GRID2: variants seen among roughly 807,000 people sequenced by gnomAD.
GRID2 encodes the protein glutamate ionotropic receptor delta type subunit 2.
In GRID2, 33 loss-of-function variants were observed where a neutral mutation model predicts 114.8. The ratio of observed to expected loss-of-function variants is 0.29; its 90% confidence interval spans 0.22 to 0.38. The LOEUF (loss-of-function observed/expected upper bound fraction) is 0.38. Ranked by LOEUF, GRID2 falls within the 10% of genes least tolerant of loss-of-function variation. GRID2 has a pLI of 1.00. For missense variants in GRID2, 1,184 were observed against 1,257.7 expected (o/e 0.94, Z 0.89); for synonymous variants, 505 against 449.9 (o/e 1.12, Z -1.55).
At chr4:92,515,416 T>C (rs1724451999) in intron 1 of GRID2, among the ~76,000 whole-genome samples, 1 of 151,958 alleles carries the variant, frequency 6.6e-6, no homozygotes, top group African/African-American at 2.4e-5. Flanking sequence ...TATAAAAGAT[T>C]ATATTGAATA....
intron 2 of GRID2, among the ~76,000 whole-genome samples, chr4:92,796,285 G>C (rs1260252447): frequency 6.6e-6 from 1 of 151,826 alleles, no homozygotes; most frequent in Non-Finnish European, 1.5e-5. Flanking sequence ...TGGGGTTCTG[G>C]GTGGCCTGGG....
intron 8 of GRID2, among the ~76,000 whole-genome samples, chr4:93,251,107 C>T (rs1318085506): frequency 1.3e-5 from 2 of 152,060 alleles, no homozygotes; most frequent in Admixed American, 1.3e-4. Flanking sequence ...ACCTTGCATT[C>T]AAGAAACATT....
At chr4:92,680,447 A>G (rs1733596347) in intron 2 of GRID2, among the ~76,000 whole-genome samples, 1 of 152,150 alleles carries the variant, frequency 6.6e-6, no homozygotes, top group Non-Finnish European at 1.5e-5. Context: ...AGTGTGCACA[A>G]ATATTTAAAC....
intron 14 of GRID2, among the ~76,000 whole-genome samples, chr4:93,656,857 A>AAAAAAAAAAAAC (rs1553973735): frequency 1.1e-5 from 1 of 93,802 alleles, no homozygotes; most frequent in Non-Finnish European, 2.6e-5. Context: ...AAAAAAAAAA[A>AAAAAAAAAAAAC]CAAATAATTC....
At chr4:93,784,466 T>A (rs1279833203) in intron 1 of GRID2, among the ~76,000 whole-genome samples, 1 of 152,016 alleles carries the variant, frequency 6.6e-6, no homozygotes, top group Non-Finnish European at 1.5e-5. Flanking sequence ...GAAATGTGAA[T>A]GTAGACTGTA....
chr4:92,570,912 C>T (rs899858512), intron 1 of GRID2, among the ~76,000 whole-genome samples: 2 of 151,990 alleles, frequency 1.3e-5, no homozygotes, highest in Admixed American at 6.6e-5. Flanking sequence ...TTTTGACTCC[C>T]TGTCTTTGTA....
At chr4:92,832,413 A>G (rs565930579) in intron 2 of GRID2, among the ~76,000 whole-genome samples, 2 of 152,048 alleles carry the variant, frequency 1.3e-5, no homozygotes, top group African/African-American at 4.8e-5. Context: ...TTGTTTTTTG[A>G]GACAGAGTTT....
chr4:92,503,399 T>TA (rs1553942838), intron 1 of GRID2, among the ~76,000 whole-genome samples: 1 of 152,138 alleles, frequency 6.6e-6, no homozygotes, highest in Non-Finnish European at 1.5e-5. Flanking sequence ...CAAAGAGAGA[T>TA]ACAATGAAAT....
In GRID2 at chr4:92,933,373, T is replaced by C. The variant is rs377268061; in HGVS notation, c.245-151622T>C. On this transcript the variant is annotated intron_variant, in intron 2 of 15. Coordinates refer to ENST00000282020, the MANE Select transcript of GRID2 (RefSeq NM_001510.4). ...AGTAATATGTTCCAATCCATATTTC[T>C]TATTGGTTAAATCAGTTCTACTGAA... 1.4e-4 allele frequency among the ~76,000 whole-genome samples: 21 copies of C among 151,588 alleles called. No individual in the cohort carries two copies. The East Asian group carries it at 4.1e-3, about 29-fold the overall frequency.
intron 1 of GRID2, among the ~76,000 whole-genome samples, chr4:92,377,745 A>C (rs1729423558): frequency 6.6e-6 from 1 of 152,172 alleles, no homozygotes; most frequent in African/African-American, 2.4e-5. Context: ...GGATGGTGGC[A>C]GGCACAGAGA....
intron 2 of GRID2, among the ~76,000 whole-genome samples, chr4:92,963,294 T>A (rs1752941407): frequency 6.6e-6 from 1 of 152,062 alleles, no homozygotes; most frequent in African/African-American, 2.4e-5. Flanking sequence ...TAGCATGCCA[T>A]GCTGTTTAAT....
chr4:92,883,389 G>A (rs1746152103), intron 2 of GRID2, among the ~76,000 whole-genome samples: 1 of 152,044 alleles, frequency 6.6e-6, no homozygotes, highest in Admixed American at 6.6e-5. Context: ...TCATCCATGA[G>A]GGTTGGAATA....
intron 2 of GRID2, among the ~76,000 whole-genome samples, chr4:93,015,327 A>G (rs545287504): frequency 1.3e-5 from 2 of 152,292 alleles, no homozygotes; most frequent in East Asian, 1.9e-4. Context: ...AGTCAAAGCA[A>G]CAAGGAAGCT....
intron 8 of GRID2, among the ~76,000 whole-genome samples, chr4:93,384,284 GAA>G (rs1375039147): frequency 7.2e-5 from 11 of 152,114 alleles, no homozygotes; most frequent in African/African-American, 2.7e-4. Flanking sequence ...CAATATTAGG[GAA>G]GTGGACTCCA....
chr4:92,966,859 T>C (rs1263403788), intron 2 of GRID2, among the ~76,000 whole-genome samples: 1 of 151,912 alleles, frequency 6.6e-6, no homozygotes, highest in Non-Finnish European at 1.5e-5. Flanking sequence ...GTATAGAAAA[T>C]AATTAGAGCT....
At chr4:93,113,884 A>G (rs1733000865) in intron 4 of GRID2, among the ~76,000 whole-genome samples, 1 of 152,154 alleles carries the variant, frequency 6.6e-6, no homozygotes, top group South Asian at 2.1e-4. Flanking sequence ...GACCATAAAT[A>G]AAACCACGGA....
At chr4:93,099,033 T>C (rs952446566) in intron 3 of GRID2, among the ~76,000 whole-genome samples, 2 of 92,618 alleles carry the variant, frequency 2.2e-5, no homozygotes, top group South Asian at 3.4e-4. Context: ...GTGTGTATGA[T>C]ACACATAGGG....
intron 8 of GRID2, among the ~76,000 whole-genome samples, chr4:93,355,499 T>A (rs1277701319): frequency 6.6e-6 from 1 of 152,050 alleles, no homozygotes; most frequent in African/African-American, 2.4e-5. Flanking sequence ...CAAGAGCAAG[T>A]GTTCCAAGAG....
rs550972209 is a variant in GRID2, at chr4:92,878,204, A to G, written c.245-206791A>G. 2.0e-5 allele frequency among the ~76,000 whole-genome samples: 3 copies of G among 152,222 alleles called. No individual in the cohort carries two copies. In the South Asian group the frequency reaches 6.2e-4, roughly 32 times the overall value. On this transcript the variant is annotated intron_variant, in intron 2 of 15. Transcript: ENST00000282020. ...TTGAACAAAGAAAAATTCCTTCCCT[A>G]CATTGTCTGCATTACATTAATTCTC...
Sources: gnomAD v4.1 joint callset for allele counts (sites outside exome capture counted in the v4.1 genomes callset) on GRCh38, gnomAD v4.1.1 for gene constraint, MANE v1.5 for transcripts, NCBI Gene and HGNC (gene_info 2026-07-23, HGNC 2026-07-21) for gene names.